DRC9: variants seen among roughly 807,000 people sequenced by gnomAD.
DRC9 encodes the protein dynein regulatory complex subunit 9.
the DRC9 span, among the ~76,000 whole-genome samples, chr3:197,942,724 C>G: frequency 0.024 from 3,701 of 151,844 alleles, 199 homozygotes; most frequent in African/African-American, 0.086. Context: ...TCAAGACCAG[C>G]CTGACCAACA....
chr3:197,932,855 CATTATATATGTATAATATAT>C, the DRC9 span, among the ~76,000 whole-genome samples: 233 of 135,592 alleles, frequency 1.7e-3, no homozygotes, highest in African/African-American at 5.2e-3. Flanking sequence ...ATATAATATA[CATTATATATGTATAATATAT>C]ATTATATATG....
At chr3:197,943,221 T>TA in the DRC9 span, among the ~76,000 whole-genome samples, 5 of 152,216 alleles carry the variant, frequency 3.3e-5, no homozygotes, top group East Asian at 9.6e-4. Context: ...GACAACTCAG[T>TA]AATTCCATCT....
the DRC9 span, among the ~76,000 whole-genome samples, chr3:197,894,218 G>A: frequency 2.0e-5 from 3 of 152,144 alleles, no homozygotes; most frequent in Non-Finnish European, 2.9e-5. Flanking sequence ...CAATAATACA[G>A]TATTACTATT....
the DRC9 span, among the ~76,000 whole-genome samples, chr3:197,915,120 T>C: frequency 1.6e-5 from 2 of 127,062 alleles, no homozygotes; most frequent in African/African-American, 3.2e-5. Flanking sequence ...GCTGAGATCA[T>C]GCCACTGCAG....
chr3:197,908,226 G>A, the DRC9 span, among the ~76,000 whole-genome samples: 1 of 144,202 alleles, frequency 6.9e-6, no homozygotes, highest in African/African-American at 2.7e-5. Context: ...TATCACAGGG[G>A]TGAATGTACC....
the DRC9 span, among the ~76,000 whole-genome samples, chr3:197,910,361 C>A: frequency 6.6e-6 from 1 of 152,146 alleles, no homozygotes; most frequent in Non-Finnish European, 1.5e-5. Flanking sequence ...GGCTGAAGAT[C>A]TGGGAAACTC....
chr3:197,938,333 AG>A, the DRC9 span, among the ~76,000 whole-genome samples: 1 of 151,666 alleles, frequency 6.6e-6, no homozygotes, highest in Non-Finnish European at 1.5e-5. Flanking sequence ...AAAAAAAAAA[AG>A]ACTTAATAAC....
the DRC9 span, among the ~76,000 whole-genome samples, chr3:197,920,931 A>C: frequency 7.8e-4 from 119 of 152,330 alleles, no homozygotes; most frequent in African/African-American, 2.7e-3. Flanking sequence ...AAAACCTGCC[A>C]TTCTTGTTGG....
chr3:197,953,968 G>C, the DRC9 span: 1 of 1,611,074 alleles, frequency 6.2e-7, no homozygotes, highest in South Asian at 1.1e-5. Flanking sequence ...AACTATATCA[G>C]CTTGTATTCC....
the DRC9 span, among the ~76,000 whole-genome samples, chr3:197,922,886 C>T: frequency 6.6e-6 from 1 of 151,592 alleles, no homozygotes; most frequent in Non-Finnish European, 1.5e-5. Flanking sequence ...GTTAGGAAAC[C>T]TCTGAAAAAG....
chr3:197,889,485 A>G, the DRC9 span: 1 of 1,391,334 alleles, frequency 7.2e-7, no homozygotes, highest in South Asian at 1.2e-5. Flanking sequence ...AACAACCTGT[A>G]GATGAGTCAT....
the DRC9 span, among the ~76,000 whole-genome samples, chr3:197,941,484 CCCCT>C: frequency 4.9e-5 from 2 of 40,922 alleles, no homozygotes; most frequent in East Asian, 1.1e-3. Context: ...CCTCCCCCTT[CCCCT>C]CCCTCCCTCC....
chr3:197,919,908 T>G, the DRC9 span, among the ~76,000 whole-genome samples: 1 of 151,902 alleles, frequency 6.6e-6, no homozygotes, highest in Non-Finnish European at 1.5e-5. Flanking sequence ...TCTATTAAAT[T>G]AACATTTACA....
At chr3:197,941,371 C>CT in the DRC9 span, among the ~76,000 whole-genome samples, 1 of 78,482 alleles carries the variant, frequency 1.3e-5, no homozygotes, top group African/African-American at 8.3e-5. Flanking sequence ...TCCTTCCTTC[C>CT]TCCCTCTCTC....
At chr3:197,931,485 AAAAC>A in the DRC9 span, among the ~76,000 whole-genome samples, 1 of 140,536 alleles carries the variant, frequency 7.1e-6, no homozygotes, top group African/African-American at 3.0e-5. Flanking sequence ...CCATCTCAAA[AAAAC>A]AAAACAAACA....
chr3:197,934,594 C>G, the DRC9 span, among the ~76,000 whole-genome samples: 3 of 152,070 alleles, frequency 2.0e-5, no homozygotes, highest in Non-Finnish European at 4.4e-5. Flanking sequence ...GGTCACATAC[C>G]TAGTTTGAGA....
the DRC9 span, chr3:197,951,052 G>C: frequency 6.2e-7 from 1 of 1,605,536 alleles, no homozygotes; most frequent in East Asian, 2.2e-5. Context: ...AAATTGGCAA[G>C]AAAAAACTTA....
the DRC9 span, among the ~76,000 whole-genome samples, chr3:197,890,662 C>T: frequency 2.0e-5 from 3 of 152,168 alleles, no homozygotes; most frequent in African/African-American, 7.2e-5. Context: ...CTCTTCAGCT[C>T]GTTCTTAACA....
the DRC9 span, chr3:197,950,088 G>A: frequency 7.4e-6 from 9 of 1,220,090 alleles, no homozygotes; most frequent in Non-Finnish European, 9.2e-6. Flanking sequence ...GTGCGAAGCC[G>A]ATTTCCGAGG....
Sources: gnomAD v4.1 joint callset for allele counts (sites outside exome capture counted in the v4.1 genomes callset) on GRCh38, gnomAD v4.1.1 for gene constraint, MANE v1.5 for transcripts, NCBI Gene and HGNC (gene_info 2026-07-23, HGNC 2026-07-21) for gene names.